The following DTWD2 variants were observed in gnomAD, a reference collection of about 807,000 sequenced individuals.
DTWD2 encodes tRNA-uridine aminocarboxypropyltransferase 2.
DTWD2 carries 39 observed loss-of-function variants against 31.8 expected under a neutral mutation model. That is an observed-to-expected ratio of 1.22 (90% CI 0.95 to 1.60). The LOEUF (loss-of-function observed/expected upper bound fraction) is 1.60. Among genes scored for constraint, DTWD2 ranks in the 40% most tolerant of loss-of-function variants. The probability of loss-of-function intolerance (pLI) is 0.00; values close to 1 mark genes in which losing one functional copy is unlikely to be tolerated. For missense variants in DTWD2, 515 were observed against 381.5 expected, an observed-to-expected ratio of 1.35 and a Z score of -2.92; for synonymous variants, 180 against 142.8, an observed-to-expected ratio of 1.26 and a Z score of -1.86.
chr5:118,877,596 A>AAGAGGGAAG (rs1752650453), intron 4 of DTWD2, among the ~76,000 whole-genome samples: 1 of 152,236 alleles, frequency 6.6e-6, no homozygotes, highest in South Asian at 2.1e-4. Context: ...GAATGGGCAA[A>AAGAGGGAAG]AGAGGGAAGT....
rs767285193 is a variant in DTWD2, at chr5:118,836,646, C to G, written c.*4271G>C. 3.9e-5 allele frequency among the ~76,000 whole-genome samples: 6 copies of G among 152,212 alleles called. No homozygotes were observed. The highest frequency in any genetic ancestry group is 5.9e-5 in the Non-Finnish European group (4 of 68,028). ...TGAATATTTGTGTCCCCACAAAACT[C>G]ACAGGTTGAAACCTTAATTCCCGAG... is the stretch of plus-strand genomic sequence containing the variant. On this transcript the variant is annotated 3_prime_UTR_variant, in exon 6 of 6. Transcript: ENST00000510708.
At chr5:118,948,836 G>C (rs995918179) in intron 1 of DTWD2, among the ~76,000 whole-genome samples, 11 of 152,122 alleles carry the variant, frequency 7.2e-5, no homozygotes, top group Admixed American at 6.5e-4. Context: ...GGATCTATGA[G>C]GTCAGCTAAG....
intron 4 of DTWD2, among the ~76,000 whole-genome samples, chr5:118,908,409 G>A (rs1753381474): frequency 6.6e-6 from 1 of 152,164 alleles, no homozygotes; most frequent in Non-Finnish European, 1.5e-5. Context: ...AAAAACCCAA[G>A]CTTCATTGCA....
chr5:118,945,414 A>G (rs1754309468), intron 1 of DTWD2, among the ~76,000 whole-genome samples: 1 of 152,264 alleles, frequency 6.6e-6, no homozygotes, highest in South Asian at 2.1e-4. Flanking sequence ...AAGGTAATGT[A>G]TGAATAAACA....
intron 4 of DTWD2, among the ~76,000 whole-genome samples, chr5:118,884,950 T>A (rs977267187): frequency 7.6e-6 from 1 of 131,692 alleles, no homozygotes; most frequent in Admixed American, 8.7e-5. Flanking sequence ...GAGCCGAGAC[T>A]ACGCCACTGC....
intron 4 of DTWD2, among the ~76,000 whole-genome samples, chr5:118,887,496 C>A (rs1357307278): frequency 1.3e-5 from 2 of 152,168 alleles, no homozygotes; most frequent in Non-Finnish European, 2.9e-5. Flanking sequence ...ATGGAGTACA[C>A]CCAACCACAT....
At chr5:118,933,259 C>T (rs964128274) in intron 3 of DTWD2, among the ~76,000 whole-genome samples, 2 of 152,154 alleles carry the variant, frequency 1.3e-5, no homozygotes, top group African/African-American at 4.8e-5. Flanking sequence ...GGTATCAATT[C>T]TCCACAATCT....
chr5:118,941,542 T>C (rs1391260461), intron 2 of DTWD2, among the ~76,000 whole-genome samples: 2 of 152,210 alleles, frequency 1.3e-5, no homozygotes, highest in Non-Finnish European at 2.9e-5. Context: ...TATTCCATGG[T>C]GTATATGTGC....
intron 4 of DTWD2, among the ~76,000 whole-genome samples, chr5:118,922,578 A>T (rs969757086): frequency 2.0e-5 from 3 of 152,236 alleles, no homozygotes; most frequent in Admixed American, 2.0e-4. Context: ...GCAAAAACTG[A>T]TTTAAATTTT....
At chr5:118,846,736 T>C (rs1751860892) in intron 5 of DTWD2, among the ~76,000 whole-genome samples, 1 of 152,084 alleles carries the variant, frequency 6.6e-6, no homozygotes, top group Non-Finnish European at 1.5e-5. Context: ...ATGGGGTATA[T>C]AAAGTACTAT....
intron 4 of DTWD2, among the ~76,000 whole-genome samples, chr5:118,895,753 T>C (rs1026495879): frequency 6.9e-4 from 105 of 152,164 alleles, no homozygotes; most frequent in African/African-American, 2.4e-3. Flanking sequence ...ACCAAGAACA[T>C]ACATTGGGGA....
intron 1 of DTWD2, among the ~76,000 whole-genome samples, chr5:118,946,423 A>G (rs1754340138): frequency 6.6e-6 from 1 of 152,232 alleles, no homozygotes; most frequent in Non-Finnish European, 1.5e-5. Flanking sequence ...ATAAGAAAGG[A>G]TTCCTCACTC....
At chr5:118,843,735 T>G (rs968086205) in intron 5 of DTWD2, among the ~76,000 whole-genome samples, 1 of 152,234 alleles carries the variant, frequency 6.6e-6, no homozygotes, top group Non-Finnish European at 1.5e-5. Flanking sequence ...ATCAATTTAC[T>G]GAGGTAATGA....
At chr5:118,952,113 G>A (rs190728743) in intron 1 of DTWD2, among the ~76,000 whole-genome samples, 98 of 152,304 alleles carry the variant, frequency 6.4e-4, no homozygotes, top group African/African-American at 2.1e-3. Flanking sequence ...GTAAAAAGAC[G>A]CCGCTTACCC....
chr5:118,965,753 G>A (rs1754831435), intron 1 of DTWD2, among the ~76,000 whole-genome samples: 1 of 152,082 alleles, frequency 6.6e-6, no homozygotes, highest in Admixed American at 6.6e-5. Context: ...CTCGTTAAGA[G>A]TCATCACCAC....
intron 1 of DTWD2, among the ~76,000 whole-genome samples, chr5:118,985,382 AG>A (rs1755399856): frequency 6.6e-6 from 1 of 151,480 alleles, no homozygotes; most frequent in Non-Finnish European, 1.5e-5. Context: ...ACTTAGGGTT[AG>A]GAGCACCTTT....
At chr5:118,908,529 T>C (rs1753385005) in intron 4 of DTWD2, among the ~76,000 whole-genome samples, 1 of 152,122 alleles carries the variant, frequency 6.6e-6, no homozygotes, top group Non-Finnish European at 1.5e-5. Context: ...AAACCGTGTC[T>C]TATATAGCCT....
At position 118,951,052 on chromosome 5, in the gene DTWD2, G is replaced by A. The variant is rs562791010; in HGVS notation, c.219-6403C>T. ...ACTGGGCTGGGTTTTCATATTTGAT[G>A]AAAAAAAGCCTAAACACTAACTGAT... On this transcript the variant is annotated intron_variant, in intron 1 of 5. Transcript: ENST00000510708. 4.6e-5 allele frequency among the ~76,000 whole-genome samples: 7 copies of A among 152,046 alleles called. 1 individual carries two copies. Among genetic ancestry groups the A allele is most frequent in the African/African-American group, 1.7e-4 (7 of 41,468 alleles).
At position 118,840,635 on chromosome 5, in the gene DTWD2, T is replaced by C. The variant is rs756904788; in HGVS notation, c.*282A>G. The C allele has an allele frequency of 5.2e-5, 12 of 229,608 alleles. No individual in the cohort carries two copies. The highest frequency in any genetic ancestry group is 7.6e-5 in the Non-Finnish European group (9 of 118,866). The allele number at this position is 229,608 out of a possible 1,614,324, so 14.2% of individuals were successfully genotyped here. On this transcript the variant is annotated 3_prime_UTR_variant, in exon 6 of 6. Transcript: ENST00000510708. ...ATTTTACAAGTAAGAACTTCTAACC[T>C]ATCACAACAACAAATCATATTTTAA... is the stretch of plus-strand genomic sequence containing the variant.
Sources: gnomAD v4.1 joint callset for allele counts (sites outside exome capture counted in the v4.1 genomes callset) on GRCh38, gnomAD v4.1.1 for gene constraint, MANE v1.5 for transcripts, NCBI Gene and HGNC (gene_info 2026-07-23, HGNC 2026-07-21) for gene names.